FAM135B: variants seen among roughly 807,000 people sequenced by gnomAD.
FAM135B encodes protein FAM135B.
FAM135B carries 43 observed loss-of-function variants against 127.7 expected under a neutral mutation model. The observed-to-expected ratio is 0.34, with a 90% CI of 0.26 to 0.43. The LOEUF (loss-of-function observed/expected upper bound fraction) is 0.43. Among genes scored for constraint, FAM135B ranks in the 20% least tolerant of loss-of-function variants. FAM135B has a pLI of 1.00. For missense variants in FAM135B, 1,558 were observed against 1,725.6 expected, an observed-to-expected ratio of 0.90 and a Z score of 1.72; for synonymous variants, 670 against 665.1, an observed-to-expected ratio of 1.01 and a Z score of -0.11.
At chr8:138,238,020 G>T (rs1033412637) in intron 7 of FAM135B, among the ~76,000 whole-genome samples, 2 of 152,122 alleles carry the variant, frequency 1.3e-5, no homozygotes, top group African/African-American at 4.8e-5. Flanking sequence ...GCTAAAGGAG[G>T]CCTCGGGGAT....
intron 1 of FAM135B, among the ~76,000 whole-genome samples, chr8:138,469,654 A>G (rs1180269941): frequency 6.6e-6 from 1 of 152,224 alleles, no homozygotes; most frequent in Non-Finnish European, 1.5e-5. Flanking sequence ...ATGTAACTGT[A>G]TATGTCTTGA....
intron 7 of FAM135B, among the ~76,000 whole-genome samples, chr8:138,208,317 C>A (rs1000758033): frequency 1.3e-5 from 2 of 152,212 alleles, no homozygotes; most frequent in Non-Finnish European, 2.9e-5. Context: ...AATGATTAGA[C>A]TAAATGAATA....
At chr8:138,386,280 C>T (rs1832214548) in intron 1 of FAM135B, among the ~76,000 whole-genome samples, 1 of 151,972 alleles carries the variant, frequency 6.6e-6, no homozygotes, top group South Asian at 2.1e-4. Context: ...ACAACCTAAC[C>T]TCACATATCA....
rs2130481379 is a variant in FAM135B, at chr8:138,132,610, G to C, written c.4204C>G (p.Leu1402Val). The change falls in exon 20 of 20, where the codon CTC becomes GTC. Residue 1402 changes from leucine to valine, a missense_variant. Leu to Val is a conservative substitution (Grantham distance 32). Transcript: ENST00000395297. The surrounding 1 kb of genome is among the most constrained non-coding windows in gnomAD (Gnocchi z 4.5). ...CAAAGCCACTACTTGAAGTAGTTGA[G>C]TCCTGCCACCAAGAAAAACTTCTCC... The part of the protein sequence containing the change: ...FLEKFFLVAG[L>V]NYFK The C allele has an allele frequency of 6.2e-7, 1 of 1,614,098 alleles. No individual in the cohort carries two copies. Among genetic ancestry groups the C allele is most frequent in the Non-Finnish European group, 8.5e-7 (1 of 1,179,976 alleles).
intron 3 of FAM135B, among the ~76,000 whole-genome samples, chr8:138,297,259 G>C (rs1174006127): frequency 6.6e-6 from 1 of 152,204 alleles, no homozygotes. Flanking sequence ...AGCCGCTGCC[G>C]TTTGAATATT....
In FAM135B at chr8:138,311,441, A is replaced by C. The variant is rs187417603; in HGVS notation, c.78-521T>G. On this transcript the variant is annotated intron_variant, in intron 2 of 19. Coordinates refer to ENST00000395297, the MANE Select transcript of FAM135B (RefSeq NM_015912.4). ...ATTTTAACATAGCACTCCCATTTTCAAATTCCACCATTTCAGGACAATGTG... is the reference window on the plus strand; with the variant it reads ...ATTTTAACATAGCACTCCCATTTTCCAATTCCACCATTTCAGGACAATGTG... 4.6e-5 allele frequency among the ~76,000 whole-genome samples: 7 copies of C among 152,320 alleles called. No homozygotes were observed. The East Asian group carries it at 1.2e-3, about 25-fold the overall frequency.
chr8:138,402,119 C>T (rs1833187941), intron 1 of FAM135B, among the ~76,000 whole-genome samples: 1 of 151,994 alleles, frequency 6.6e-6, no homozygotes, highest in South Asian at 2.1e-4. Flanking sequence ...GCAGAGAAAA[C>T]AAAGAGAAGG....
chr8:138,377,879 A>G (rs2131270436), intron 1 of FAM135B, among the ~76,000 whole-genome samples: 2 of 152,330 alleles, frequency 1.3e-5, no homozygotes, highest in Middle Eastern at 3.4e-3. Flanking sequence ...CTAACAACGT[A>G]ATAACTCTTG....
At chr8:138,364,287 G>C (rs1251006335) in intron 2 of FAM135B, among the ~76,000 whole-genome samples, 1 of 152,138 alleles carries the variant, frequency 6.6e-6, no homozygotes, top group Non-Finnish European at 1.5e-5. Context: ...ATCCTGGTTG[G>C]CATCATGCCC....
At chr8:138,444,882 T>C (rs1185241871) in intron 1 of FAM135B, among the ~76,000 whole-genome samples, 2 of 151,886 alleles carry the variant, frequency 1.3e-5, no homozygotes, top group Admixed American at 6.6e-5. Context: ...TTTGAAAAGA[T>C]CAACAAAATT....
At chr8:138,278,244 C>A (rs1357766838) in intron 3 of FAM135B, among the ~76,000 whole-genome samples, 1 of 82 alleles carries the variant, frequency 0.012, no homozygotes, top group African/African-American at 0.05. Context: ...ACTGGCTAAG[C>A]CTTGGCCTGA....
intron 1 of FAM135B, among the ~76,000 whole-genome samples, chr8:138,378,507 G>A (rs973108045): frequency 1.3e-5 from 2 of 152,182 alleles, no homozygotes; most frequent in Non-Finnish European, 2.9e-5. Flanking sequence ...TGTAGCAATG[G>A]CAGGAGAGGA....
chr8:138,329,619 G>T (rs1262104268), intron 2 of FAM135B, among the ~76,000 whole-genome samples: 7 of 152,124 alleles, frequency 4.6e-5, no homozygotes, highest in Non-Finnish European at 1.0e-4. Flanking sequence ...AATTGTCTTT[G>T]CAGAACTCCT....
At chr8:138,261,729 C>T (rs1822552864) in intron 4 of FAM135B, among the ~76,000 whole-genome samples, 1 of 150,842 alleles carries the variant, frequency 6.6e-6, no homozygotes, top group Admixed American at 6.6e-5. Flanking sequence ...TGTCCATGGT[C>T]ATCTCTTGTA....
At chr8:138,453,758 A>C (rs1360607825) in intron 1 of FAM135B, among the ~76,000 whole-genome samples, 1 of 152,178 alleles carries the variant, frequency 6.6e-6, no homozygotes, top group Non-Finnish European at 1.5e-5. Flanking sequence ...CCTAGGTTCA[A>C]ATCTCAGCAC....
chr8:138,141,440 T>C lies in FAM135B; in HGVS notation c.3639-91A>G. 7.8e-7 allele frequency: 1 copy of C among 1,286,086 alleles called. No homozygotes were observed. The highest frequency in any genetic ancestry group is 1.1e-6 in the Non-Finnish European group (1 of 899,074). 79.7% of individuals were successfully genotyped at this position (1,286,086 alleles called of 1,614,324 possible). ...CTGGAAGCATCAGGGGCCATTGTTCTCCACCTCCCACTGAATGTAGGGGAA... is the reference window on the plus strand; with the variant it reads ...CTGGAAGCATCAGGGGCCATTGTTCCCCACCTCCCACTGAATGTAGGGGAA... On this transcript the variant is annotated intron_variant, in intron 16 of 19. Coordinates refer to ENST00000395297, the MANE Select transcript of FAM135B (RefSeq NM_015912.4). The surrounding 1 kb of genome is among the most constrained non-coding windows in gnomAD (Gnocchi z 4.7).
At chr8:138,187,902 A>C (rs796988491) in intron 9 of FAM135B, among the ~76,000 whole-genome samples, 2 of 152,210 alleles carry the variant, frequency 1.3e-5, no homozygotes, top group Admixed American at 6.5e-5. Flanking sequence ...TGAGCTAATC[A>C]ACAATGGCCA....
chr8:138,387,838 G>C (rs527807019), intron 1 of FAM135B, among the ~76,000 whole-genome samples: 1 of 152,036 alleles, frequency 6.6e-6, no homozygotes, highest in Non-Finnish European at 1.5e-5. Context: ...CTTCACTAGT[G>C]GTCTCCCTGC....
rs1816193818 is a variant in FAM135B at position 138,131,224 on chromosome 8, T to G, written c.*1369A>C. The G allele has an allele frequency of 1.3e-5, 2 of 152,212 alleles. No individual in the cohort carries two copies. Among genetic ancestry groups the G allele is most frequent in the African/African-American group, 4.8e-5 (2 of 41,448 alleles). The allele number at this position is 152,212 out of a possible 1,614,324, so 9.4% of individuals were successfully genotyped here. ...CGTTTCCACACTTCAGAAGGGATTT[T>G]TGCAGAAGCAGGAGCTTTCATCTCC... On this transcript the variant is annotated 3_prime_UTR_variant, in exon 20 of 20. Transcript: ENST00000395297.
Sources: allele counts gnomAD v4.1 joint callset (sites outside exome capture counted in the v4.1 genomes callset), GRCh38; gene constraint gnomAD v4.1.1; non-coding constraint Gnocchi (gnomAD v3.1); transcripts MANE v1.5; gene names NCBI Gene and HGNC (gene_info 2026-07-23, HGNC 2026-07-21).